The following NEBL variants were observed in gnomAD, a reference collection of about 807,000 sequenced individuals.
NEBL encodes nebulette, also known as LIM and SH3 protein 2.
A neutral mutation model predicts 140.2 loss-of-function variants in NEBL; 122 were observed. That is an observed-to-expected ratio of 0.87 (90% CI 0.75 to 1.01). NEBL has a LOEUF of 1.01. NEBL is among the 50% of genes least tolerant of loss of function. NEBL has a pLI of 0.00. For missense variants in NEBL, 1,365 were observed against 1,231.3 expected, an observed-to-expected ratio of 1.11 and a Z score of -1.62; for synonymous variants, 436 against 398.9, an observed-to-expected ratio of 1.09 and a Z score of -1.11.
At chr10:21,071,233 T>C (rs535102867) in intron 2 of NEBL, among the ~76,000 whole-genome samples, 41 of 149,674 alleles carry the variant, frequency 2.7e-4, no homozygotes, top group Admixed American at 6.7e-4. Context: ...AATATTATTA[T>C]TATTTTTAAA....
chr10:20,854,755 G>C (rs1194649263), intron 9 of NEBL, among the ~76,000 whole-genome samples: 1 of 151,474 alleles, frequency 6.6e-6, no homozygotes, highest in East Asian at 1.9e-4. Context: ...TGTGGAGCTA[G>C]GGTCCCACTA....
chr10:20,956,410 G>C (rs1018786820), intron 4 of NEBL, among the ~76,000 whole-genome samples: 1 of 151,878 alleles, frequency 6.6e-6, no homozygotes, highest in Admixed American at 6.6e-5. Context: ...TAATGCTACT[G>C]ACCCCACTAT....
chr10:21,119,698 T>C (rs865986717), intron 2 of NEBL, among the ~76,000 whole-genome samples: 1 of 152,072 alleles, frequency 6.6e-6, no homozygotes, highest in African/African-American at 2.4e-5. Context: ...CATTCTCTTA[T>C]ATATGCATAA....
At chr10:21,105,980 GTCT>G (rs1321812154) in intron 2 of NEBL, among the ~76,000 whole-genome samples, 1 of 152,048 alleles carries the variant, frequency 6.6e-6, no homozygotes, top group Non-Finnish European at 1.5e-5. Flanking sequence ...CTGCATAAAT[GTCT>G]TCTTCTGAGA....
intron 2 of NEBL, among the ~76,000 whole-genome samples, chr10:21,092,048 T>C (rs1157098032): frequency 1.3e-5 from 2 of 152,264 alleles, no homozygotes; most frequent in Non-Finnish European, 2.9e-5. Flanking sequence ...ATTTTAGTTA[T>C]GTCGTATCTT....
chr10:21,139,958 C>G (rs1474826431), intron 2 of NEBL, among the ~76,000 whole-genome samples: 1 of 149,566 alleles, frequency 6.7e-6, no homozygotes, highest in African/African-American at 2.5e-5. Context: ...CGAGACCAGC[C>G]CGGCCAACAT....
chr10:20,821,979 C>T lies in NEBL; in HGVS notation c.1962+1229G>A, dbSNP rs80088629. 8.4e-3 allele frequency among the ~76,000 whole-genome samples: 1,285 copies of T among 152,272 alleles called. 11 individuals carry two copies. Among genetic ancestry groups the T allele is most frequent in the Non-Finnish European group, 0.012 (792 of 68,022 alleles). On this transcript the variant is annotated intron_variant, in intron 19 of 27. Transcript: ENST00000377122. ...TTTTCAAGATCTAACTCCAACGTTA[C>T]CCCTTCCCCAAGGCTCTTTGTCTCT...
intron 2 of NEBL, among the ~76,000 whole-genome samples, chr10:21,059,961 AT>A (rs1297381269): frequency 3.3e-5 from 5 of 152,200 alleles, no homozygotes; most frequent in Admixed American, 3.3e-4. Flanking sequence ...ATATACAACA[AT>A]TTGATACAAT....
chr10:20,953,215 C>A lies in NEBL; in HGVS notation c.357+8457G>T, dbSNP rs376773307. Reference sequence around the variant, plus strand: ...GGAGGTAATTAAGGTTAAATGAAGTCACAAGGAAGCCCTGATCCAATTGGG... The same window carrying A: ...GGAGGTAATTAAGGTTAAATGAAGTAACAAGGAAGCCCTGATCCAATTGGG... On this transcript the variant is annotated intron_variant, in intron 4 of 6. Transcript: ENST00000417816. Among the ~76,000 whole-genome samples the A allele has an allele frequency of 3.8e-3, 575 of 152,230 alleles. 2 individuals are homozygous for A. The highest frequency in any genetic ancestry group is 6.6e-3 in the Non-Finnish European group (448 of 68,022).
At chr10:21,244,415 C>G (rs557917747) in intron 3 of NEBL, among the ~76,000 whole-genome samples, 1 of 151,682 alleles carries the variant, frequency 6.6e-6, no homozygotes, top group Non-Finnish European at 1.5e-5. Flanking sequence ...ACCTTGGAAG[C>G]CTGAGGCAGG....
intron 3 of NEBL, among the ~76,000 whole-genome samples, chr10:21,004,860 A>G (rs1473282136): frequency 2.0e-5 from 3 of 152,220 alleles, no homozygotes; most frequent in Non-Finnish European, 4.4e-5. Context: ...GCAGGAAAAG[A>G]CTATTTGGAG....
At chr10:21,132,062 A>G (rs1346944124) in intron 2 of NEBL, among the ~76,000 whole-genome samples, 2 of 152,130 alleles carry the variant, frequency 1.3e-5, no homozygotes, top group Admixed American at 1.3e-4. Flanking sequence ...GTTATGCAAT[A>G]ATAACCATTA....
chr10:21,244,960 C>T (rs566348489), intron 3 of NEBL, among the ~76,000 whole-genome samples: 46 of 147,504 alleles, frequency 3.1e-4, no homozygotes, highest in Admixed American at 6.1e-4. Flanking sequence ...AATTCGAGAC[C>T]AGCCTGGTTA....
At chr10:21,002,712 C>T (rs768309615) in intron 3 of NEBL, among the ~76,000 whole-genome samples, 26 of 151,964 alleles carry the variant, frequency 1.7e-4, no homozygotes, top group Non-Finnish European at 2.6e-4. Flanking sequence ...AAGGGGGAAG[C>T]GCTACACACT....
chr10:20,948,456 G>T (rs150044436), intron 4 of NEBL, among the ~76,000 whole-genome samples: 297 of 152,182 alleles, frequency 2.0e-3, no homozygotes, highest in Non-Finnish European at 3.6e-3. Flanking sequence ...GTAAATAATG[G>T]CTTACCCTTC....
At chr10:20,924,121 A>G (rs1459941591) in intron 4 of NEBL, among the ~76,000 whole-genome samples, 2 of 152,162 alleles carry the variant, frequency 1.3e-5, no homozygotes, top group Non-Finnish European at 2.9e-5. Context: ...ATTGTCAGCT[A>G]GGGAGATTTT....
At chr10:21,152,620 A>AAACAGG (rs1840187904) in intron 2 of NEBL, among the ~76,000 whole-genome samples, 1 of 152,138 alleles carries the variant, frequency 6.6e-6, no homozygotes, top group Non-Finnish European at 1.5e-5. Context: ...AGCCAAAAAG[A>AAACAGG]AACAGGAAGA....
chr10:20,873,213 AT>A (rs1312845331), intron 5 of NEBL, among the ~76,000 whole-genome samples: 1 of 152,136 alleles, frequency 6.6e-6, no homozygotes, highest in Non-Finnish European at 1.5e-5. Flanking sequence ...GTGTATACAT[AT>A]TTTTTTCTAT....
intron 2 of NEBL, among the ~76,000 whole-genome samples, chr10:21,064,072 A>G (rs938402193): frequency 5.3e-5 from 8 of 152,104 alleles, no homozygotes; most frequent in African/African-American, 1.9e-4. Flanking sequence ...ACCCTGTCTC[A>G]GAAAAGCTTT....
Sources: gnomAD v4.1 joint callset for allele counts (sites outside exome capture counted in the v4.1 genomes callset) on GRCh38, gnomAD v4.1.1 for gene constraint, MANE v1.5 for transcripts, NCBI Gene and HGNC (gene_info 2026-07-23, HGNC 2026-07-21) for gene names.